Variants in ARID1B observed in about 807,000 individuals in gnomAD.
ARID1B encodes AT-rich interactive domain-containing protein 1B.
ARID1B carries 30 observed loss-of-function variants against 212.3 expected under a neutral mutation model. The observed-to-expected ratio is 0.14, with a 90% CI of 0.11 to 0.19. ARID1B has a LOEUF of 0.19. ARID1B is among the 10% of genes least tolerant of loss of function. The pLI is 1.00. For synonymous variants in ARID1B, 1,402 were observed against 1,301.7 expected (o/e 1.08, Z -1.66); for missense variants, 2,891 against 3,204.0 (o/e 0.90, Z 2.36).
intron 1 of ARID1B, among the ~76,000 whole-genome samples, chr6:156,798,076 G>A (rs187844465): frequency 1.8e-4 from 28 of 152,362 alleles, no homozygotes; most frequent in Non-Finnish European, 3.4e-4. Context: ...TAGGTGGAGC[G>A]AGAGATGGAT....
In ARID1B at chr6:156,866,901, A is replaced by G. The variant is rs1264375860; in HGVS notation, c.1987-34475A>G. On this transcript the variant is annotated intron_variant, in intron 2 of 19. Transcript: ENST00000636930. ...AAACTCAGTTGATTTTGCAAGCATC[A>G]TGGAAGTTACTTCGTTTAAGTGTGA... 2.6e-5 allele frequency among the ~76,000 whole-genome samples: 4 copies of G among 152,334 alleles called. No individual in the cohort carries two copies. The South Asian group carries it at 8.3e-4, about 32-fold the overall frequency.
chr6:156,793,080 G>T (rs557439262), intron 1 of ARID1B, among the ~76,000 whole-genome samples: 10 of 152,292 alleles, frequency 6.6e-5, no homozygotes, highest in Non-Finnish European at 1.2e-4. Context: ...GCATCTTTAT[G>T]CCTACCTGGG....
intron 4 of ARID1B, among the ~76,000 whole-genome samples, chr6:156,973,120 GCAC>G (rs1777031480): frequency 6.6e-6 from 1 of 152,180 alleles, no homozygotes; most frequent in South Asian, 2.1e-4. Flanking sequence ...AGTACAGTAG[GCAC>G]TAGCTACTTG....
intron 11 of ARID1B, 120 bp downstream of exon 11, chr6:157,175,125 ATTAT>A (rs568720791): frequency 1.1e-4 from 101 of 892,170 alleles, no homozygotes; most frequent in African/African-American, 6.6e-4. Flanking sequence ...CTTTTTCTTC[ATTAT>A]TTATCCATGA....
At chr6:156,920,029 G>A (rs1049169341) in intron 3 of ARID1B, among the ~76,000 whole-genome samples, 4 of 152,194 alleles carry the variant, frequency 2.6e-5, no homozygotes, top group Non-Finnish European at 4.4e-5. Context: ...ATGTCTTCAC[G>A]CATGAGTGGA....
At chr6:156,813,702 A>C (rs144121990) in intron 1 of ARID1B, among the ~76,000 whole-genome samples, 323 of 152,314 alleles carry the variant, frequency 2.1e-3, no homozygotes, top group African/African-American at 7.1e-3. Flanking sequence ...CTGTTCTCCA[A>C]AATGATTCCA....
intron 4 of ARID1B, among the ~76,000 whole-genome samples, chr6:157,003,747 A>G (rs2128435585): frequency 6.6e-6 from 1 of 152,302 alleles, no homozygotes; most frequent in African/African-American, 2.4e-5. Flanking sequence ...GGGGTGCAGT[A>G]GCACCATCAT....
At chr6:156,965,163 A>G (rs112341613) in intron 4 of ARID1B, among the ~76,000 whole-genome samples, 3 of 152,246 alleles carry the variant, frequency 2.0e-5, no homozygotes, top group Non-Finnish European at 4.4e-5. Context: ...GCTGGGATCA[A>G]GAGTTTCTTA....
chr6:157,001,972 C>T (rs1352447677), intron 4 of ARID1B, among the ~76,000 whole-genome samples: 2 of 152,214 alleles, frequency 1.3e-5, no homozygotes, highest in African/African-American at 2.4e-5. Context: ...ATTGAGAAGG[C>T]GTGCAGTGAA....
intron 2 of ARID1B, among the ~76,000 whole-genome samples, chr6:156,871,106 G>A (rs1029759405): frequency 5.9e-5 from 9 of 152,244 alleles, no homozygotes; most frequent in Non-Finnish European, 1.3e-4. Flanking sequence ...ATCTGAGGAG[G>A]TTTGAAACTA....
chr6:157,173,790 T>C (rs1562322783), intron 9 of ARID1B: 2 of 471,500 alleles, frequency 4.2e-6, no homozygotes, highest in Admixed American at 3.6e-5. Flanking sequence ...GCACACAGAA[T>C]GACTGCCCTT....
intron 8 of ARID1B, chr6:157,149,354 C>CTT (rs754853810): frequency 2.1e-5 from 4 of 190,740 alleles, no homozygotes; most frequent in Non-Finnish European, 4.5e-5. Context: ...CACTCCCCAC[C>CTT]TTTTTTTCAC....
chr6:156,813,577 C>A (rs768764102), intron 1 of ARID1B, among the ~76,000 whole-genome samples: 3 of 152,134 alleles, frequency 2.0e-5, no homozygotes, highest in Admixed American at 2.0e-4. Flanking sequence ...TGTTCAGGTG[C>A]GGTGTTGTGT....
intron 4 of ARID1B, among the ~76,000 whole-genome samples, chr6:156,958,055 T>C (rs1480939553): frequency 6.6e-6 from 1 of 152,234 alleles, no homozygotes; most frequent in Non-Finnish European, 1.5e-5. Flanking sequence ...AATAATATGT[T>C]CCAAGATCTC....
At chr6:157,053,054 G>A (rs1020100191) in intron 4 of ARID1B, among the ~76,000 whole-genome samples, 8 of 151,772 alleles carry the variant, frequency 5.3e-5, no homozygotes, top group African/African-American at 1.7e-4. Context: ...TTACAACAGT[G>A]CAAAATATCA....
intron 4 of ARID1B, among the ~76,000 whole-genome samples, chr6:157,021,212 C>T (rs986193076): frequency 3.3e-5 from 5 of 152,270 alleles, no homozygotes; most frequent in African/African-American, 1.2e-4. Context: ...TGCGCGTCCA[C>T]ACCTCGCCTT....
rs182986547 is a variant in ARID1B, at chr6:157,077,175, G to A, written c.2248-7487G>A. Among the ~76,000 whole-genome samples the A allele has an allele frequency of 1.1e-4, 16 of 152,220 alleles. No homozygotes were observed. In the East Asian group the frequency reaches 3.1e-3, roughly 29 times the overall value. On this transcript the variant is annotated intron_variant, in intron 4 of 19. Coordinates refer to ENST00000636930, the MANE Select transcript of ARID1B (RefSeq NM_001374828.1). ...ACTCAGGCAATTTTGTTGTCATTGTGTTATTTGTTTAATTCTATATAATGC... is the reference window on the plus strand; with the variant it reads ...ACTCAGGCAATTTTGTTGTCATTGTATTATTTGTTTAATTCTATATAATGC...
intron 6 of ARID1B, among the ~76,000 whole-genome samples, chr6:157,125,437 G>C (rs775640923): frequency 1.3e-5 from 2 of 152,218 alleles, no homozygotes; most frequent in Admixed American, 6.5e-5. Flanking sequence ...GGTACCTCAA[G>C]TGACCTCTAG....
intron 1 of ARID1B, among the ~76,000 whole-genome samples, chr6:156,799,879 A>T (rs1780658989): frequency 6.6e-6 from 1 of 152,216 alleles, no homozygotes; most frequent in South Asian, 2.1e-4. Flanking sequence ...TGTGAAACAG[A>T]ATCATTGAAG....
Sources: allele counts gnomAD v4.1 joint callset (sites outside exome capture counted in the v4.1 genomes callset), GRCh38; gene constraint gnomAD v4.1.1; transcripts MANE v1.5; gene names NCBI Gene and HGNC (gene_info 2026-07-23, HGNC 2026-07-21).